PAFAH1B2: variants seen among roughly 807,000 people sequenced by gnomAD.
PAFAH1B2 encodes platelet activating factor acetylhydrolase 1b catalytic subunit 2.
In PAFAH1B2, 8 loss-of-function variants were observed where a neutral mutation model predicts 28.0. The ratio of observed to expected loss-of-function variants is 0.29; its 90% CI spans 0.17 to 0.52. The LOEUF is 0.52. Ranked by LOEUF, PAFAH1B2 falls within the 20% of genes least tolerant of loss-of-function variation. PAFAH1B2 has a pLI of 0.97. For missense variants in PAFAH1B2, 190 were observed against 282.6 expected (o/e 0.67, Z 2.35); for synonymous variants, 104 against 103.2 (o/e 1.01, Z -0.05).
chr11:117,153,098 C>T (rs1407750237), intron 2 of PAFAH1B2, among the ~76,000 whole-genome samples: 4 of 152,134 alleles, frequency 2.6e-5, no homozygotes. Context: ...AAAACTGTAA[C>T]CTTGTGACCC....
intron 4 of PAFAH1B2, 78 bp downstream of exon 4, chr11:117,161,339 A>C: frequency 1.1e-6 from 1 of 931,720 alleles, no homozygotes; most frequent in Non-Finnish European, 1.6e-6. Context: ...ACTGTAAAAA[A>C]AAATTGCTTC....
chr11:117,159,153 CA>C (rs1382633785), intron 2 of PAFAH1B2, among the ~76,000 whole-genome samples: 1 of 152,168 alleles, frequency 6.6e-6, no homozygotes, highest in Non-Finnish European at 1.5e-5. Context: ...TGTGTATCTA[CA>C]ATTTTCTTAA....
Position 117,152,534 on chromosome 11 carries a change from AG to A in PAFAH1B2, c.81+8del. 1 of 1,589,340 alleles carries A rather than the reference AG, an allele frequency of 6.3e-7. No homozygotes were observed. Among genetic ancestry groups the A allele is most frequent in the South Asian group, 1.1e-5 (1 of 90,580 alleles). ...ATGACCGATGGATGTCTCAGGTAAAAGGAAGTGCATGTGTATCATTCACATG... is the reference window on the plus strand; with the variant it reads ...ATGACCGATGGATGTCTCAGGTAAAAGAAGTGCATGTGTATCATTCACATG... On this transcript the variant is annotated splice_region_variant and intron_variant, in intron 2 of 5. Coordinates refer to ENST00000527958, the MANE Select transcript of PAFAH1B2 (RefSeq NM_002572.4).
intron 2 of PAFAH1B2, 144 bp downstream of exon 2, chr11:117,152,672 C>T (rs1469899167): frequency 1.2e-5 from 8 of 646,312 alleles, no homozygotes; most frequent in Non-Finnish European, 1.7e-5. Flanking sequence ...CCCACTTCAG[C>T]CTCCCATATA....
In PAFAH1B2 at chr11:117,167,540, G is replaced by C. The variant is rs751221587; in HGVS notation, c.531G>C (p.Gly177=). 1 of 1,613,186 alleles carries C rather than the reference G, an allele frequency of 6.2e-7. No homozygotes were observed. Among genetic ancestry groups the C allele is most frequent in the South Asian group, 1.1e-5 (1 of 90,762 alleles). ...ACGTGCAGCTCCTGGATACCGACGG[G>C]GGTTTTGTGCACTCGGACGGTGCCA... ...LANVQLLDTD[G]GFVHSDGAIS... Residue 177 remains glycine, a synonymous_variant, in exon 6 of 6, where the codon GGG becomes GGC. Transcript: ENST00000527958.
downstream of PAFAH1B2, among the ~76,000 whole-genome samples, chr11:117,177,083 C>G (rs1274745744): frequency 1.3e-5 from 2 of 152,034 alleles, no homozygotes; most frequent in Non-Finnish European, 2.9e-5. Flanking sequence ...TGGCACATGG[C>G]CTGTAATCCC....
chr11:117,172,384 ATATATATATATATATATATATTTTTTT>A (rs1956683233), downstream of PAFAH1B2, among the ~76,000 whole-genome samples: 2 of 1,962 alleles, frequency 1.0e-3, no homozygotes, highest in South Asian at 0.032. Flanking sequence ...ATATATATAT[ATATATATATATATATATATATTTTTTT>A]TTTTTTTTTT....
chr11:117,164,091 A>T (rs1040672389), intron 5 of PAFAH1B2, 199 bp downstream of exon 5: 1 of 504,010 alleles, frequency 2.0e-6, no homozygotes, highest in Non-Finnish European at 3.5e-6. Context: ...GCCATCTTTT[A>T]TCCACGCATC....
Position 117,169,121 on chromosome 11 carries a change from A to T in PAFAH1B2, c.*1422A>T. The T allele has an allele frequency of 9.8e-7, 1 of 1,022,650 alleles. No homozygotes were observed. The highest frequency in any genetic ancestry group is 1.2e-6 in the Non-Finnish European group (1 of 852,204). 63.3% of individuals were successfully genotyped at this position (1,022,650 alleles called of 1,614,324 possible). A position where few individuals can be genotyped will look rare whatever the true frequency, so the allele number is the denominator to read the frequency against. Reference sequence around the variant, plus strand: ...GGCTTAGTTTTTAAATTATCCTCCAAAAATTTTGGGCCTTTTTCTGTGGGG... The same window carrying T: ...GGCTTAGTTTTTAAATTATCCTCCATAAATTTTGGGCCTTTTTCTGTGGGG... On this transcript the variant is annotated 3_prime_UTR_variant, in exon 6 of 6. Transcript: ENST00000527958.
downstream of PAFAH1B2, among the ~76,000 whole-genome samples, chr11:117,172,372 A>G (rs866749498): frequency 1.7e-5 from 1 of 60,082 alleles, no homozygotes; most frequent in Non-Finnish European, 2.8e-5. Context: ...ATATATATAT[A>G]TATATATATA....
chr11:117,151,232 T>C (rs527287565), intron 1 of PAFAH1B2, among the ~76,000 whole-genome samples: 1,152 of 53,804 alleles, frequency 0.021, 15 homozygotes, highest in African/African-American at 0.071. Context: ...TTTTTCTTTT[T>C]CTTTTTTTTT....
Position 117,160,043 on chromosome 11 carries a change from G to A in PAFAH1B2, c.171+20G>A. On this transcript the variant is annotated intron_variant, in intron 3 of 5. Transcript: ENST00000527958. ...TATGAGGTAAAGGTGGAAGGGATGA[G>A]CGTGGTTCTTGGCTACTCATGTATA... 1 of 1,562,822 alleles carries A rather than the reference G, an allele frequency of 6.4e-7. No individual in the cohort carries two copies. The highest frequency in any genetic ancestry group is 8.8e-7 in the Non-Finnish European group (1 of 1,133,250).
chr11:117,174,712 A>C (rs1027102114), downstream of PAFAH1B2, among the ~76,000 whole-genome samples: 1 of 152,126 alleles, frequency 6.6e-6, no homozygotes, highest in Non-Finnish European at 1.5e-5. Context: ...TCCTGATCTC[A>C]GGTGATCCGT....
rs930636601 is a variant in PAFAH1B2 at position 117,170,341 on chromosome 11, G to T, written c.*2642G>T. On this transcript the variant is annotated 3_prime_UTR_variant, in exon 6 of 6. Transcript: ENST00000527958. ...AGCAAATTTGTATTCCTTCGCCCAC[G>T]CATTCCTGCTATACTAGATGGCAGC... The T allele has an allele frequency of 1.9e-6, 2 of 1,059,558 alleles. No individual in the cohort carries two copies. The highest frequency in any genetic ancestry group is 1.0e-4 in the East Asian group (2 of 19,716). 65.6% of individuals were successfully genotyped at this position (1,059,558 alleles called of 1,614,324 possible).
chr11:117,169,694 A>T lies in PAFAH1B2; in HGVS notation c.*1995A>T, dbSNP rs534387663. The T allele has an allele frequency of 1.3e-5, 14 of 1,057,174 alleles. No homozygotes were observed. The South Asian group carries it at 4.6e-4, about 34-fold the overall frequency. The allele number at this position is 1,057,174 out of a possible 1,614,324, so 65.5% of individuals were successfully genotyped here. The stretch of plus-strand genomic sequence containing the variant: ...ACTAAACTTGTTTACGACATTAAAA[A>T]TTTCCTTTTTATTTTTAGTAGCCCA... On this transcript the variant is annotated 3_prime_UTR_variant, in exon 6 of 6. Transcript: ENST00000527958.
Position 117,167,756 on chromosome 11 carries a change from G to A in PAFAH1B2, c.*57G>A. ...CTTCCTCAGATCAGTTCTATCACTG[G>A]CACTACAGAATCCTTCTCTTTCTTA... On this transcript the variant is annotated 3_prime_UTR_variant, in exon 6 of 6. Transcript: ENST00000527958. 7.0e-7 allele frequency: 1 copy of A among 1,426,944 alleles called. No individual in the cohort carries two copies. Among genetic ancestry groups the A allele is most frequent in the Non-Finnish European group, 9.2e-7 (1 of 1,084,606 alleles). 88.4% of individuals were successfully genotyped at this position (1,426,944 alleles called of 1,614,324 possible).
rs75355747 is a variant in PAFAH1B2, at chr11:117,164,479, T to C, written c.411+587T>C. ...TTGGCCTCCATAATTTTTTGCACAA[T>C]GGCACATGAGATTTGTCTGAATCCT... On this transcript the variant is annotated intron_variant, in intron 5 of 5. Coordinates refer to ENST00000527958, the MANE Select transcript of PAFAH1B2 (RefSeq NM_002572.4). Among the ~76,000 whole-genome samples, 109 of 152,300 alleles carry C rather than the reference T, an allele frequency of 7.2e-4. 1 individual carries two copies. Among genetic ancestry groups the C allele is most frequent in the African/African-American group, 2.5e-3 (105 of 41,566 alleles).
At position 117,144,349 on chromosome 11, in the gene PAFAH1B2, C is replaced by T. The variant is rs762109730; in HGVS notation, c.-77C>T. ...CGCGCCGGAGCGGGACCGACGGGAC[C>T]GAGCGAGCGACCGACGCGCCACCCG... On this transcript the variant is annotated 5_prime_UTR_variant, in exon 1 of 6. Transcript: ENST00000527958. 3 of 420,844 alleles carry T rather than the reference C, an allele frequency of 7.1e-6. No homozygotes were observed. The highest frequency in any genetic ancestry group is 1.4e-5 in the Non-Finnish European group (3 of 207,194). The allele number at this position is 420,844 out of a possible 1,614,324, so 26.1% of individuals were successfully genotyped here. A position where few individuals can be genotyped will look rare whatever the true frequency, so the allele number is the denominator to read the frequency against.
chr11:117,151,236 T>TC (rs1315538191), intron 1 of PAFAH1B2, among the ~76,000 whole-genome samples: 1 of 148,494 alleles, frequency 6.7e-6, no homozygotes, highest in Non-Finnish European at 1.5e-5. Context: ...TCTTTTTCTT[T>TC]TTTTTTTTTT....
Sources: allele counts gnomAD v4.1 joint callset (sites outside exome capture counted in the v4.1 genomes callset), GRCh38; gene constraint gnomAD v4.1.1; transcripts MANE v1.5; gene names NCBI Gene and HGNC (gene_info 2026-07-23, HGNC 2026-07-21).